Variants in CAMTA1 observed in about 807,000 individuals in gnomAD.
CAMTA1 encodes the protein calmodulin binding transcription activator 1.
CAMTA1 carries 27 observed loss-of-function variants against 170.9 expected under a neutral mutation model. The observed-to-expected ratio is 0.16, with a 90% CI of 0.12 to 0.22. The LOEUF (loss-of-function observed/expected upper bound fraction) is 0.22, where lower values mean the gene tolerates loss of function less well. CAMTA1 is among the 10% of genes least tolerant of loss of function. The probability of loss-of-function intolerance (pLI) is 1.00; values close to 1 mark genes in which losing one functional copy is unlikely to be tolerated. For synonymous variants in CAMTA1, 833 were observed against 891.5 expected, an observed-to-expected ratio of 0.93 and a Z score of 1.17; for missense variants, 1,619 against 2,217.2, an observed-to-expected ratio of 0.73 and a Z score of 5.42.
At chr1:7,096,914 C>T (rs1194155301) in intron 4 of CAMTA1, among the ~76,000 whole-genome samples, 1 of 152,188 alleles carries the variant, frequency 6.6e-6, no homozygotes, top group Non-Finnish European at 1.5e-5. Context: ...TCTTCTGTCT[C>T]AACCCACCCT....
chr1:6,884,217 G>C (rs1362173181), intron 3 of CAMTA1, among the ~76,000 whole-genome samples: 3 of 151,390 alleles, frequency 2.0e-5, no homozygotes, highest in Non-Finnish European at 4.4e-5. Flanking sequence ...CATGGCAGTT[G>C]GTAGAGGTCA....
intron 11 of CAMTA1, among the ~76,000 whole-genome samples, chr1:7,719,420 T>C (rs2096635089): frequency 6.6e-6 from 1 of 152,224 alleles, no homozygotes; most frequent in Admixed American, 6.5e-5. Context: ...TGAATGATTT[T>C]TCTGAACAAG....
chr1:7,571,474 C>T (rs2095125276), intron 6 of CAMTA1, among the ~76,000 whole-genome samples: 1 of 152,114 alleles, frequency 6.6e-6, no homozygotes, highest in South Asian at 2.1e-4. Flanking sequence ...TTTTCTGATC[C>T]TTTCCCTCCT....
At chr1:7,104,369 T>TACATACAC (rs139162386) in intron 4 of CAMTA1, among the ~76,000 whole-genome samples, 1 of 150,860 alleles carries the variant, frequency 6.6e-6, no homozygotes, top group Non-Finnish European at 1.5e-5. Context: ...TCAATACACA[T>TACATACAC]ACACACACAC....
intron 3 of CAMTA1, among the ~76,000 whole-genome samples, chr1:6,966,766 A>C (rs1258308831): frequency 1.3e-5 from 2 of 151,592 alleles, no homozygotes; most frequent in African/African-American, 4.8e-5. Flanking sequence ...ACATGCTGGC[A>C]TGCCCAGATA....
At chr1:7,747,073 A>C (rs1218401340) in intron 18 of CAMTA1, among the ~76,000 whole-genome samples, 1 of 152,252 alleles carries the variant, frequency 6.6e-6, no homozygotes, top group Non-Finnish European at 1.5e-5. Flanking sequence ...GCTTTAGTAA[A>C]ATAATGTTAG....
chr1:7,353,995 C>T (rs984581281), intron 5 of CAMTA1, among the ~76,000 whole-genome samples: 5 of 152,036 alleles, frequency 3.3e-5, no homozygotes, highest in South Asian at 2.1e-4. Context: ...CATTTATAAG[C>T]GAGAACATGC....
At chr1:7,150,084 C>G (rs963929784) in intron 4 of CAMTA1, among the ~76,000 whole-genome samples, 1 of 152,190 alleles carries the variant, frequency 6.6e-6, no homozygotes, top group African/African-American at 2.4e-5. Context: ...CAGCGGCCTC[C>G]CTGGAGGAGA....
At chr1:6,865,463 A>G (rs1246868049) in intron 3 of CAMTA1, among the ~76,000 whole-genome samples, 1 of 152,188 alleles carries the variant, frequency 6.6e-6, no homozygotes, top group East Asian at 1.9e-4. Context: ...TGGTTAGGAT[A>G]GATTTGGGCG....
rs567741960 is a variant in CAMTA1, at chr1:7,707,193, C to G, written c.2915-25255C>G. 4.5e-4 allele frequency among the ~76,000 whole-genome samples: 68 copies of G among 152,106 alleles called. 1 individual carries two copies. Among genetic ancestry groups the G allele is most frequent in the East Asian group, 3.9e-4 (2 of 5,140 alleles). ...GCCACCGTGCCTGGCCCAGGCTTTT[C>G]TTTAGTCTTCTATTTAGGACTGAAC... On this transcript the variant is annotated intron_variant, in intron 11 of 22. Transcript: ENST00000303635.
chr1:6,822,827 A>AAC (rs1264070849), intron 2 of CAMTA1, among the ~76,000 whole-genome samples: 2 of 130,436 alleles, frequency 1.5e-5, no homozygotes, highest in African/African-American at 5.6e-5. Context: ...CACACACACA[A>AAC]ACACACACAC....
At chr1:7,515,073 T>C (rs2094262740) in intron 6 of CAMTA1, among the ~76,000 whole-genome samples, 2 of 150,914 alleles carry the variant, frequency 1.3e-5, no homozygotes, top group Non-Finnish European at 1.5e-5. Flanking sequence ...ATCATCAGGC[T>C]GGTCCTCCCC....
intron 6 of CAMTA1, among the ~76,000 whole-genome samples, chr1:7,594,138 A>AAGAAAGAAAGAAAGAAAGAAAGAAG (rs2095377012): frequency 6.7e-6 from 1 of 149,408 alleles, no homozygotes; most frequent in African/African-American, 2.5e-5. Flanking sequence ...AAAGAAAGAA[A>AAGAAAGAAAGAAAGAAAGAAAGAAG]GAAGGAAGGA....
chr1:7,517,677 T>A (rs1165416586), intron 6 of CAMTA1, among the ~76,000 whole-genome samples: 1 of 151,538 alleles, frequency 6.6e-6, no homozygotes, highest in Non-Finnish European at 1.5e-5. Context: ...CGGCTGGGGC[T>A]TATTCTCAAA....
At position 7,739,495 on chromosome 1, in the gene CAMTA1, C is replaced by T. The variant is rs373066985; in HGVS notation, c.4182+1013C>T. ...GACCTACCGTATTAGTCCATTCTCA[C>T]GCTGCTGATAAGGACATACTCCAGA... On this transcript the variant is annotated intron_variant, in intron 16 of 22. Coordinates refer to ENST00000303635, the MANE Select transcript of CAMTA1 (RefSeq NM_015215.4). Among the ~76,000 whole-genome samples, 33 of 152,286 alleles carry T rather than the reference C, an allele frequency of 2.2e-4. No homozygotes were observed. In the East Asian group the frequency reaches 3.5e-3, roughly 16 times the overall value.
chr1:7,686,546 A>G (rs1056075268), intron 11 of CAMTA1, among the ~76,000 whole-genome samples: 1 of 152,074 alleles, frequency 6.6e-6, no homozygotes, highest in Admixed American at 6.5e-5. Context: ...CAGGGGGTTC[A>G]GCAGAGGCCA....
intron 4 of CAMTA1, among the ~76,000 whole-genome samples, chr1:7,147,903 C>T (rs1646320584): frequency 6.6e-6 from 1 of 151,010 alleles, no homozygotes; most frequent in Non-Finnish European, 1.5e-5. Flanking sequence ...ACCATGCACA[C>T]ACACACTCAT....
At chr1:7,097,776 G>A (rs899809426) in intron 4 of CAMTA1, among the ~76,000 whole-genome samples, 3 of 152,234 alleles carry the variant, frequency 2.0e-5, no homozygotes, top group African/African-American at 4.8e-5. Context: ...ATTGTGTGAT[G>A]TGCTGACTGA....
intron 11 of CAMTA1, among the ~76,000 whole-genome samples, chr1:7,725,219 C>G (rs925693954): frequency 2.0e-5 from 3 of 152,180 alleles, no homozygotes; most frequent in Admixed American, 6.5e-5. Flanking sequence ...GTGAATGTAT[C>G]CTTCCTCATT....
Sources: gnomAD v4.1 joint callset for allele counts (sites outside exome capture counted in the v4.1 genomes callset) on GRCh38, gnomAD v4.1.1 for gene constraint, MANE v1.5 for transcripts, NCBI Gene and HGNC (gene_info 2026-07-23, HGNC 2026-07-21) for gene names.